Variants in TNS3 observed in about 807,000 individuals in gnomAD.
TNS3 encodes tensin 3.
A neutral mutation model predicts 140.9 loss-of-function variants in TNS3; 45 were observed. The ratio of observed to expected loss-of-function variants is 0.32; its 90% CI spans 0.25 to 0.41. The LOEUF is 0.41. TNS3 is among the 10% of genes least tolerant of loss of function. The pLI is 1.00. For synonymous variants in TNS3, 815 were observed against 788.4 expected (o/e 1.03, Z -0.56); for missense variants, 1,716 against 1,906.7 (o/e 0.90, Z 1.86).
At chr7:47,334,673 C>T (rs908262270) in intron 20 of TNS3, among the ~76,000 whole-genome samples, 1 of 141,710 alleles carries the variant, frequency 7.1e-6, no homozygotes, top group Non-Finnish European at 1.5e-5. Flanking sequence ...GGTGCGATCT[C>T]GGCTCATGCA....
In TNS3 at chr7:47,293,900, A is replaced by G. The variant is rs1785857983; in HGVS notation, c.3677-72T>C. 6 of 1,412,320 alleles carry G rather than the reference A, an allele frequency of 4.2e-6. No individual in the cohort carries two copies. In the Admixed American group the frequency reaches 5.2e-5, roughly 12 times the overall value. The allele number at this position is 1,412,320 out of a possible 1,614,324, so 87.5% of individuals were successfully genotyped here. ...CATGGGAGAATTCAATAGAGAGAAC[A>G]TAAAAGCCAGGAGCTACAGTTGAAA... On this transcript the variant is annotated intron_variant, in intron 24 of 30. Coordinates refer to ENST00000311160, the MANE Select transcript of TNS3 (RefSeq NM_022748.12).
chr7:47,560,297 C>T (rs1800296438), intron 1 of TNS3, among the ~76,000 whole-genome samples: 1 of 151,988 alleles, frequency 6.6e-6, no homozygotes, highest in Non-Finnish European at 1.5e-5. Flanking sequence ...TAGAAGTCAC[C>T]ATCTATGAAC....
intron 3 of TNS3, among the ~76,000 whole-genome samples, chr7:47,482,929 G>A (rs907549645): frequency 6.6e-6 from 1 of 152,150 alleles, no homozygotes; most frequent in South Asian, 2.1e-4. Flanking sequence ...AGGGAGAGAG[G>A]AACAGGCAGA....
chr7:47,507,563 T>C (rs1249993175), intron 2 of TNS3, among the ~76,000 whole-genome samples: 2 of 152,222 alleles, frequency 1.3e-5, no homozygotes, highest in Non-Finnish European at 2.9e-5. Context: ...AGAGGGGCCA[T>C]TGTGTGAACG....
At chr7:47,506,024 G>A (rs1354716050) in intron 3 of TNS3, among the ~76,000 whole-genome samples, 5 of 152,130 alleles carry the variant, frequency 3.3e-5, no homozygotes, top group African/African-American at 1.2e-4. Context: ...CAAAACAGCT[G>A]ACCCATGAGG....
At chr7:47,569,936 G>C (rs1800516299) in intron 1 of TNS3, among the ~76,000 whole-genome samples, 1 of 151,792 alleles carries the variant, frequency 6.6e-6, no homozygotes, top group South Asian at 2.1e-4. Flanking sequence ...ATCACCTGAG[G>C]TCAAGAGTTC....
At chr7:47,296,492 G>C (rs938337662) in intron 24 of TNS3, among the ~76,000 whole-genome samples, 1 of 152,190 alleles carries the variant, frequency 6.6e-6, no homozygotes, top group African/African-American at 2.4e-5. Flanking sequence ...TTCTATTACA[G>C]GTTGGTGCAA....
intron 30 of TNS3, chr7:47,278,512 T>G: frequency 2.9e-6 from 1 of 340,784 alleles, no homozygotes. Context: ...AGGCTCAACT[T>G]CCTCTATAGA....
chr7:47,396,806 C>T lies in TNS3; in HGVS notation c.1018G>A (p.Gly340Arg), dbSNP rs1397720056. The change falls in exon 16 of 31, where the codon GGA becomes AGA. Residue 340 changes from glycine (G) to arginine (R), a missense_variant. Gly to Arg is a moderately radical substitution (Grantham distance 125). Transcript: ENST00000311160. ...WDSYENLSAD[G>R]EVLHTQGPVD... ...ACAAGATGAACACACGCACCTTCTCCATCTGCACTGAGGTTCTCGTACGAG... is the reference window on the plus strand; with the variant it reads ...ACAAGATGAACACACGCACCTTCTCTATCTGCACTGAGGTTCTCGTACGAG... The T allele has an allele frequency of 1.2e-6, 2 of 1,613,588 alleles. No homozygotes were observed. The highest frequency in any genetic ancestry group is 3.3e-5 in the Admixed American group (2 of 60,032).
chr7:47,546,074 C>T (rs1384696992), intron 1 of TNS3, among the ~76,000 whole-genome samples: 1 of 152,252 alleles, frequency 6.6e-6, no homozygotes, highest in Non-Finnish European at 1.5e-5. Flanking sequence ...AGCCTGGAGC[C>T]TCCCCCAGGA....
intron 4 of TNS3, among the ~76,000 whole-genome samples, chr7:47,444,289 A>G (rs1795612329): frequency 6.6e-6 from 1 of 152,190 alleles, no homozygotes; most frequent in Non-Finnish European, 1.5e-5. Flanking sequence ...TCCAAAATAC[A>G]GTGACTCCCA....
intron 4 of TNS3, among the ~76,000 whole-genome samples, chr7:47,454,528 A>G (rs2151650550): frequency 6.6e-6 from 1 of 152,082 alleles, no homozygotes; most frequent in Middle Eastern, 3.4e-3. Flanking sequence ...GCCCTGGGGG[A>G]GAGAGGAGGG....
chr7:47,306,686 T>G (rs1441440375), intron 20 of TNS3, among the ~76,000 whole-genome samples: 4 of 152,158 alleles, frequency 2.6e-5, no homozygotes. Flanking sequence ...GCCATTCTCC[T>G]GCCTCGGCCT....
At chr7:47,321,970 T>C (rs749456810) in intron 20 of TNS3, among the ~76,000 whole-genome samples, 1 of 152,100 alleles carries the variant, frequency 6.6e-6, no homozygotes, top group Non-Finnish European at 1.5e-5. Context: ...TTCCTGATGA[T>C]GAACATTCAC....
chr7:47,366,127 G>GT (rs1204499010), intron 17 of TNS3, among the ~76,000 whole-genome samples: 1 of 152,202 alleles, frequency 6.6e-6, no homozygotes, highest in African/African-American at 2.4e-5. Flanking sequence ...GTTTGGTGAA[G>GT]TAAGTCAGGT....
intron 16 of TNS3, among the ~76,000 whole-genome samples, chr7:47,385,526 A>G (rs146910538): frequency 3.2e-4 from 49 of 152,168 alleles, no homozygotes; most frequent in African/African-American, 1.1e-3. Context: ...TGCATCCTGG[A>G]TCCTACAGAG....
chr7:47,333,715 T>C (rs11764289), intron 20 of TNS3, among the ~76,000 whole-genome samples: 2,344 of 152,256 alleles, frequency 0.015, 28 homozygotes, highest in Middle Eastern at 0.031. Context: ...AAATAAAGCA[T>C]TGTGTCAAAA....
chr7:47,552,289 G>C (rs1454963535), intron 1 of TNS3, among the ~76,000 whole-genome samples: 3 of 152,092 alleles, frequency 2.0e-5, no homozygotes, highest in African/African-American at 7.2e-5. Flanking sequence ...AATTTGCCTG[G>C]AGAAACAAGA....
intron 2 of TNS3, 81 bp downstream of exon 2, chr7:47,528,955 T>C: frequency 2.3e-6 from 2 of 851,820 alleles, no homozygotes; most frequent in South Asian, 3.5e-5. Flanking sequence ...TTTCGGAAAC[T>C]CCTGAAAAAA....
Sources: gnomAD v4.1 joint callset for allele counts (sites outside exome capture counted in the v4.1 genomes callset) on GRCh38, gnomAD v4.1.1 for gene constraint, MANE v1.5 for transcripts, NCBI Gene and HGNC (gene_info 2026-07-23, HGNC 2026-07-21) for gene names.